The following TPP1 variants were observed in gnomAD, a reference collection of about 807,000 sequenced individuals.
The protein encoded by TPP1 is tripeptidyl-peptidase 1.
Under a neutral mutation model 67.6 loss-of-function variants are expected in TPP1, and 43 were observed. That is an observed-to-expected ratio of 0.64 (90% CI 0.50 to 0.82). TPP1 has a LOEUF of 0.82. TPP1 is among the 40% of genes least tolerant of loss of function. The probability of loss-of-function intolerance (pLI) is 0.00; values close to 1 mark genes in which losing one functional copy is unlikely to be tolerated. For missense variants in TPP1, 671 were observed against 710.9 expected (o/e 0.94, Z 0.64); for synonymous variants, 272 against 281.5 (o/e 0.97, Z 0.34).
chr11:6,616,271 C>A, intron 8 of TPP1, 44 bp downstream of exon 8: 1 of 1,612,026 alleles, frequency 6.2e-7, no homozygotes, highest in Non-Finnish European at 8.5e-7. Flanking sequence ...AGCTCCCAGG[C>A]TGCAGAGGTG....
chr11:6,618,824 G>A lies in TPP1; in HGVS notation c.181C>T (p.Leu61Phe). 1 of 1,614,054 alleles carries A rather than the reference G, an allele frequency of 6.2e-7. No homozygotes were observed. Among genetic ancestry groups the A allele is most frequent in the Non-Finnish European group, 8.5e-7 (1 of 1,180,034 alleles). ...FALRQQNVER[L>F]SELVQAVSDP... ...GACACAGCCTGCACCAGCTCCGAGA[G>A]TCTTTCCACATTCTGCTGTCTCAGG... The change falls in exon 3 of 13, where the codon CTC (leucine) becomes TTC (phenylalanine). Residue 61 changes from leucine to phenylalanine, a missense_variant. Leu to Phe is a conservative substitution (Grantham distance 22, BLOSUM62 0). Transcript: ENST00000299427.
chr11:6,616,962 T>C lies in TPP1; in HGVS notation c.687+13A>G. ...GAGGCTATGAGGACCCTGGGGCTCT[T>C]TGCTTGGCTCACCTGGGCACAGGCT... On this transcript the variant is annotated intron_variant, in intron 6 of 12. Coordinates refer to ENST00000299427, the MANE Select transcript of TPP1 (RefSeq NM_000391.4). 1 of 1,614,096 alleles carries C rather than the reference T, an allele frequency of 6.2e-7. No homozygotes were observed. Among genetic ancestry groups the C allele is most frequent in the Non-Finnish European group, 8.5e-7 (1 of 1,179,988 alleles).
chr11:6,616,101 T>C (rs754457473), intron 8 of TPP1, 27 bp from the exon 9 acceptor site: 44 of 1,613,838 alleles, frequency 2.7e-5, no homozygotes, highest in Non-Finnish European at 3.5e-5. Flanking sequence ...GTAGCATTCA[T>C]ATTAATTGGT....
At position 6,614,872 on chromosome 11, in the gene TPP1, G is replaced by C. The variant is rs1281026900; in HGVS notation, c.1545C>G (p.Leu515=). 3 of 1,614,030 alleles carry C rather than the reference G, an allele frequency of 1.9e-6. No individual in the cohort carries two copies. The highest frequency in any genetic ancestry group is 1.3e-5 in the African/African-American group (1 of 74,990). The part of the protein sequence containing the change: ...PRLYQQHGAG[L]FDVTRGCHES... ...CCTTCCCTTCCATACTTACATCAAA[G>C]AGTCCTGCCCCATGCTGCTGGTAGA... Residue 515 remains leucine, a synonymous_variant, in exon 12 of 13, where the codon CTC becomes CTG. Transcript: ENST00000299427.
At position 6,614,420 on chromosome 11, in the gene TPP1, A is replaced by T; in HGVS notation, c.*126T>A. 7.5e-7 allele frequency: 1 copy of T among 1,327,732 alleles called. No individual in the cohort carries two copies. Among genetic ancestry groups the T allele is most frequent in the Non-Finnish European group, 1.1e-6 (1 of 942,054 alleles). The allele number at this position is 1,327,732 out of a possible 1,614,324, so 82.2% of individuals were successfully genotyped here. On this transcript the variant is annotated 3_prime_UTR_variant, in exon 13 of 13. Coordinates refer to ENST00000299427, the MANE Select transcript of TPP1 (RefSeq NM_000391.4). ...GTCAAGCTCACAGCATTTCAGGGTTAGGGAGATAAGCTGTCTGCAGCAGTC... is the reference window on the plus strand; with the variant it reads ...GTCAAGCTCACAGCATTTCAGGGTTTGGGAGATAAGCTGTCTGCAGCAGTC...
intron 2 of TPP1, 53 bp downstream of exon 2, chr11:6,619,143 G>T: frequency 6.2e-7 from 1 of 1,602,364 alleles, no homozygotes; most frequent in South Asian, 1.1e-5. Flanking sequence ...CCAGGACAGT[G>T]GGAGGCAGAA....
intron 5 of TPP1, 67 bp downstream of exon 5, chr11:6,617,234 T>A (rs756186321): frequency 6.2e-7 from 1 of 1,613,710 alleles, no homozygotes; most frequent in South Asian, 1.1e-5. Context: ...CAGTCCCCAA[T>A]GGCATCTAAA....
intron 8 of TPP1, 58 bp from the exon 9 acceptor site, chr11:6,616,132 C>G: frequency 6.2e-7 from 1 of 1,608,334 alleles, no homozygotes; most frequent in Non-Finnish European, 8.5e-7. Flanking sequence ...TATGTGGGTT[C>G]GGATGTCAGA....
intron 8 of TPP1, 92 bp downstream of exon 8, chr11:6,616,223 G>A (rs1589948110): frequency 4.4e-6 from 7 of 1,594,398 alleles, no homozygotes; most frequent in South Asian, 1.1e-5. Context: ...TTCAGATTAT[G>A]AGTCAGAGAC....
rs74843914 is a variant in TPP1, at chr11:6,614,305, A to G, written c.*241T>C. 1.4e-3 allele frequency: 818 copies of G among 582,624 alleles called. 11 individuals carry two copies. The East Asian group carries it at 0.023, about 16-fold the overall frequency. The allele number at this position is 582,624 out of a possible 1,614,324, so 36.1% of individuals were successfully genotyped here. On this transcript the variant is annotated 3_prime_UTR_variant, in exon 13 of 13. Transcript: ENST00000299427. ...TGAGATGCGGAGGGAGAGGCATTCAAAAAATGCTAGTTACAGCATCTTATT... is the reference window on the plus strand; with the variant it reads ...TGAGATGCGGAGGGAGAGGCATTCAGAAAATGCTAGTTACAGCATCTTATT...
chr11:6,619,316 T>TTCCCACCCTCCCAATGTGTGC, intron 1 of TPP1, 49 bp from the exon 2 acceptor site: 3 of 1,613,978 alleles, frequency 1.9e-6, no homozygotes, highest in Non-Finnish European at 2.5e-6. Context: ...TGTCCTTGTG[T>TTCCCACCCTCCCAATGTGTGC]TCCCACCCTC....
chr11:6,615,079 A>G (rs1554901544), intron 11 of TPP1, 88 bp from the exon 12 acceptor site: 8 of 1,613,342 alleles, frequency 5.0e-6, no homozygotes, highest in Middle Eastern at 3.3e-4. Context: ...AGACATCTCT[A>G]AGGAGTCAGG....
chr11:6,615,253 G>A lies in TPP1; in HGVS notation c.1343C>T (p.Ala448Val). 6.2e-7 allele frequency: 1 copy of A among 1,614,180 alleles called. No individual in the cohort carries two copies. The highest frequency in any genetic ancestry group is 8.5e-7 in the Non-Finnish European group (1 of 1,180,040). Residue 448 changes from alanine to valine, a missense_variant, in exon 11 of 13, where the codon GCC becomes GTC. By Grantham distance (64) the Ala-to-Val change is moderately conservative. Coordinates refer to ENST00000299427, the MANE Select transcript of TPP1 (RefSeq NM_000391.4). ...AGAAAGTGCAGCCACATCTGGGTAGGCACGGCCACTGGCATTGAAGTAACT... is the reference window on the plus strand; with the variant it reads ...AGAAAGTGCAGCCACATCTGGGTAGACACGGCCACTGGCATTGAAGTAACT... ...PSSYFNASGR[A>V]YPDVAALSDG...
chr11:6,616,005 C>T lies in TPP1; in HGVS notation c.1145G>A (p.Ser382Asn), dbSNP rs761448855. The change falls in exon 9 of 13, where the codon AGC (serine) becomes AAC (asparagine). Residue 382 changes from serine to asparagine, a missense_variant and splice_region_variant. By Grantham distance (46) the Ser-to-Asn change is conservative. Coordinates refer to ENST00000299427, the MANE Select transcript of TPP1 (RefSeq NM_000391.4). Reference sequence around the variant, plus strand: ...CTGAGTGGTAGGCTAGAGTACTTACCTGGAGGCAGGGAAGGTAGGGCGGAA... The same window carrying T: ...CTGAGTGGTAGGCTAGAGTACTTACTTGGAGGCAGGGAAGGTAGGGCGGAA... ...HQFRPTFPASSPYVTTVGGTS... is the reference protein window; with the variant it reads ...HQFRPTFPASNPYVTTVGGTS... The T allele has an allele frequency of 6.2e-6, 10 of 1,614,156 alleles. No individual in the cohort carries two copies. The highest frequency in any genetic ancestry group is 7.6e-6 in the Non-Finnish European group (9 of 1,180,008).
chr11:6,615,077 C>T, intron 11 of TPP1, 86 bp from the exon 12 acceptor site: 1 of 1,613,400 alleles, frequency 6.2e-7, no homozygotes, highest in Non-Finnish European at 8.5e-7. Context: ...TCAGACATCT[C>T]TAAGGAGTCA....
chr11:6,617,895 T>A, intron 3 of TPP1, 119 bp from the exon 4 acceptor site: 1 of 1,402,408 alleles, frequency 7.1e-7, no homozygotes, highest in Non-Finnish European at 1.0e-6. Context: ...AAAGGAGGGC[T>A]ATGTGTGCAG....
rs547507980 is a variant in TPP1 at position 6,614,215 on chromosome 11, C to T, written c.*331G>A. The T allele has an allele frequency of 7.7e-5, 29 of 375,368 alleles. No homozygotes were observed. The highest frequency in any genetic ancestry group is 5.5e-4 in the African/African-American group (27 of 48,802). The allele number at this position is 375,368 out of a possible 1,614,324, so 23.3% of individuals were successfully genotyped here. A position where few individuals can be genotyped will look rare whatever the true frequency, so the allele number is the denominator to read the frequency against. ...TTGCAGTGAATTGGGGAATGAATAT[C>T]AAGTGAAATAGTGCACAGAGTCTGT... is the stretch of plus-strand genomic sequence containing the variant. On this transcript the variant is annotated 3_prime_UTR_variant, in exon 13 of 13. Coordinates refer to ENST00000299427, the MANE Select transcript of TPP1 (RefSeq NM_000391.4).
In TPP1 at chr11:6,615,335, A is replaced by G; in HGVS notation, c.1267-6T>C. 6.2e-7 allele frequency: 1 copy of G among 1,614,144 alleles called. No individual in the cohort carries two copies. The highest frequency in any genetic ancestry group is 8.5e-7 in the Non-Finnish European group (1 of 1,180,022). On this transcript the variant is annotated splice_polypyrimidine_tract_variant and splice_region_variant and intron_variant, in intron 10 of 12. Coordinates refer to ENST00000299427, the MANE Select transcript of TPP1 (RefSeq NM_000391.4). The stretch of plus-strand genomic sequence containing the variant: ...AACTTCGTTACAGCTTCCTCCTGAA[A>G]GGCATTTTTGAGTGAGTATTGGCAT...
chr11:6,613,905 G>A lies in TPP1; in HGVS notation c.*641C>T. On this transcript the variant is annotated 3_prime_UTR_variant, in exon 13 of 13. Coordinates refer to ENST00000299427, the MANE Select transcript of TPP1 (RefSeq NM_000391.4). ...AAGTCTTATTTAGTGAGATGGTAAT[G>A]GTTGTAGATGTCAGTGATTTGTTCC... The A allele has an allele frequency of 6.5e-6, 1 of 154,780 alleles. No homozygotes were observed. Among genetic ancestry groups the A allele is most frequent in the South Asian group, 2.0e-4 (1 of 5,008 alleles). 9.6% of individuals were successfully genotyped at this position (154,780 alleles called of 1,614,324 possible).
Sources: allele counts gnomAD v4.1 joint callset, GRCh38; gene constraint gnomAD v4.1.1; transcripts MANE v1.5; gene names NCBI Gene and HGNC (gene_info 2026-07-23, HGNC 2026-07-21).